Variants in VPS13D observed in about 807,000 individuals in gnomAD.
VPS13D encodes the protein vacuolar protein sorting 13 homolog D.
Under a neutral mutation model 461.9 loss-of-function variants are expected in VPS13D, and 187 were observed. The observed-to-expected ratio is 0.40, with a 90% CI of 0.36 to 0.46. The LOEUF (loss-of-function observed/expected upper bound fraction) is 0.46. Among genes scored for constraint, VPS13D ranks in the 20% least tolerant of loss-of-function variants. VPS13D has a pLI of 0.60. For synonymous variants in VPS13D, 1,951 were observed against 1,986.3 expected (o/e 0.98, Z 0.47); for missense variants, 4,711 against 5,364.9 (o/e 0.88, Z 3.81).
Position 12,301,361 on chromosome 1 carries a change from G to T in VPS13D, c.6216+1977G>T, listed in dbSNP as rs762737400. ...TGTATGTCTGACAGACTAGCTATAA[G>T]CTTGGGGTTCCCACAATGCCTCCTG... On this transcript the variant is annotated intron_variant, in intron 25 of 69. Coordinates refer to ENST00000620676, the MANE Select transcript of VPS13D (RefSeq NM_015378.4). 4.5e-4 allele frequency among the ~76,000 whole-genome samples: 69 copies of T among 152,330 alleles called. 1 individual carries two copies. The highest frequency in any genetic ancestry group is 8.3e-4 in the South Asian group (4 of 4,832).
At position 12,323,746 on chromosome 1, in the gene VPS13D, G is replaced by T. The variant is rs1266061015; in HGVS notation, c.7956G>T (p.Met2652Ile). ...LARLQELGFS[M>I]DDCRKALLAC... ...GGCTGCAGGAGCTGGGATTCAGCAT[G>T]GATGATTGTCGCAAAGCTCTTTTGG... The change falls in exon 35 of 70, where the codon ATG becomes ATT. Residue 2652 changes from methionine (M) to isoleucine (I), a missense_variant. Transcript: ENST00000620676. The T allele has an allele frequency of 2.5e-6, 4 of 1,613,950 alleles. No homozygotes were observed. The East Asian group carries it at 6.7e-5, about 27-fold the overall frequency.
rs1267012436 is a variant in VPS13D, at chr1:12,244,366, A to G, written c.296A>G (p.Asp99Gly). 3 of 1,614,176 alleles carry G rather than the reference A, an allele frequency of 1.9e-6. No individual in the cohort carries two copies. Among genetic ancestry groups the G allele is most frequent in the Non-Finnish European group, 2.5e-6 (3 of 1,180,038 alleles). Residue 99 changes from aspartate to glycine, a missense_variant, in exon 4 of 70, where the codon GAT becomes GGT. Transcript: ENST00000620676. ...CCAGAGAAAATACAGGATTTCAATG[A>G]TGAAAAGGAGAAGCTGTTGGAAAGG... The part of the protein sequence containing the change: ...GAPEKIQDFN[D>G]EKEKLLERER...
At chr1:12,470,713 C>T (rs974372520) in intron 67 of VPS13D, among the ~76,000 whole-genome samples, 2 of 152,156 alleles carry the variant, frequency 1.3e-5, no homozygotes, top group African/African-American at 2.4e-5. Context: ...GCCACTCTTA[C>T]GTGTTCATTA....
chr1:12,361,548 A>G (rs1198779920), intron 50 of VPS13D, among the ~76,000 whole-genome samples: 11 of 150,466 alleles, frequency 7.3e-5, no homozygotes, highest in African/African-American at 2.7e-4. Flanking sequence ...GGCGCCCGCC[A>G]CTACGCCCGG....
At chr1:12,242,435 C>T (rs1489339387) in intron 2 of VPS13D, 78 bp from the exon 3 acceptor site, 5 of 1,328,478 alleles carry the variant, frequency 3.8e-6, no homozygotes, top group Non-Finnish European at 5.4e-6. Flanking sequence ...TTCCCTTTAA[C>T]CTTCAATGCT....
intron 65 of VPS13D, among the ~76,000 whole-genome samples, chr1:12,452,340 C>A (rs1645273389): frequency 6.6e-6 from 1 of 152,232 alleles, no homozygotes. Context: ...GCCAGTCACT[C>A]CCTACATGAT....
intron 67 of VPS13D, among the ~76,000 whole-genome samples, chr1:12,494,922 C>T (rs148114534): frequency 9.9e-4 from 151 of 152,270 alleles, no homozygotes; most frequent in African/African-American, 3.2e-3. Flanking sequence ...GCCCTTATAC[C>T]GTCTGCCAGC....
intron 26 of VPS13D, among the ~76,000 whole-genome samples, chr1:12,306,393 C>T (rs937441800): frequency 1.3e-5 from 2 of 152,174 alleles, no homozygotes; most frequent in African/African-American, 4.8e-5. Flanking sequence ...TGTCTGCATG[C>T]ACATCTAGAA....
In VPS13D at chr1:12,304,667, C is replaced by T. The variant is rs780865591; in HGVS notation, c.6378C>T (p.Thr2126=). The part of the protein sequence containing the change: ...GSLKSEFVPS[T]STKQQGPQPT... ...TGAAGAGTGAGTTTGTGCCCAGTAC[C>T]TCCACCAAGCAGCAAGGGCCGCAAC... Residue 2126 remains threonine (T), a synonymous_variant, in exon 26 of 70, where the codon ACC becomes ACT. Coordinates refer to ENST00000620676, the MANE Select transcript of VPS13D (RefSeq NM_015378.4). 1 of 1,614,000 alleles carries T rather than the reference C, an allele frequency of 6.2e-7. No individual in the cohort carries two copies. The highest frequency in any genetic ancestry group is 1.1e-5 in the South Asian group (1 of 91,068).
chr1:12,270,272 C>T (rs1395308361), intron 16 of VPS13D, among the ~76,000 whole-genome samples: 1 of 151,856 alleles, frequency 6.6e-6, no homozygotes, highest in East Asian at 1.9e-4. Context: ...GCCTAGCCAA[C>T]ATGGTGAAAC....
intron 44 of VPS13D, among the ~76,000 whole-genome samples, chr1:12,347,202 G>A (rs1424011189): frequency 2.6e-5 from 4 of 151,242 alleles, no homozygotes; most frequent in Admixed American, 6.6e-5. Context: ...ACGGAGTCTC[G>A]CTCTGTTGCC....
intron 61 of VPS13D, 82 bp from the exon 62 acceptor site, chr1:12,401,526 A>C: frequency 4.4e-6 from 4 of 915,116 alleles, no homozygotes; most frequent in Non-Finnish European, 6.8e-6. Flanking sequence ...AAAGCATACC[A>C]TGTCATTGAG....
chr1:12,409,093 G>T (rs1272409389), intron 63 of VPS13D, among the ~76,000 whole-genome samples: 1 of 151,912 alleles, frequency 6.6e-6, no homozygotes, highest in Non-Finnish European at 1.5e-5. Context: ...GCGTGTGTGT[G>T]TGTGTGTTTG....
chr1:12,433,038 C>T (rs1032391171), intron 65 of VPS13D, among the ~76,000 whole-genome samples: 1 of 152,158 alleles, frequency 6.6e-6, no homozygotes, highest in Non-Finnish European at 1.5e-5. Context: ...CTCCTGGTAA[C>T]TTAGAATGGA....
At chr1:12,508,826 T>TG (rs1646147827) in intron 69 of VPS13D, 67 bp from the exon 70 acceptor site, 2 of 1,570,398 alleles carry the variant, frequency 1.3e-6, no homozygotes, top group Non-Finnish European at 1.7e-6. Context: ...AGCCGCCACC[T>TG]GGGTGGATCT....
chr1:12,494,676 G>A (rs192530418), intron 67 of VPS13D, among the ~76,000 whole-genome samples: 5 of 152,302 alleles, frequency 3.3e-5, no homozygotes, highest in Admixed American at 3.3e-4. Context: ...CCTGCTTCAT[G>A]TAAGGGAAAG....
Position 12,373,807 on chromosome 1 carries a change from G to A in VPS13D, c.10866G>A (p.Glu3622=). 1.2e-6 allele frequency: 2 copies of A among 1,605,778 alleles called. No individual in the cohort carries two copies. The highest frequency in any genetic ancestry group is 1.7e-6 in the Non-Finnish European group (2 of 1,176,064). Residue 3622 remains glutamate, a synonymous_variant, in exon 55 of 70, where the codon GAG becomes GAA. Coordinates refer to ENST00000620676, the MANE Select transcript of VPS13D (RefSeq NM_015378.4). The part of the protein sequence containing the change: ...VASNKAITCA[E]LVLDVSPKTQ... ...CCAACAAGGCCATTACCTGTGCGGA[G>A]CTCGTTTTGGATGTCTCACCCAAGA...
rs932491221 is a variant in VPS13D, at chr1:12,267,707, A to G, written c.1726-138A>G. The G allele has an allele frequency of 7.8e-6, 6 of 764,380 alleles. No individual in the cohort carries two copies. In the African/African-American group the frequency reaches 8.9e-5, roughly 11 times the overall value. The allele number at this position is 764,380 out of a possible 1,614,324, so 47.3% of individuals were successfully genotyped here. A position where few individuals can be genotyped will look rare whatever the true frequency, so the allele number is the denominator to read the frequency against. The stretch of plus-strand genomic sequence containing the variant: ...GGGCAGAAAACGAAACAATTCTGCA[A>G]GTAGTCAATCTGAGGTAAAGTGAGT... On this transcript the variant is annotated intron_variant, in intron 14 of 69. Transcript: ENST00000620676.
At chr1:12,263,259 A>G (rs561111869) in intron 13 of VPS13D, among the ~76,000 whole-genome samples, 1 of 152,334 alleles carries the variant, frequency 6.6e-6, no homozygotes, top group South Asian at 2.1e-4. Context: ...GCACAGAAGC[A>G]TGAAAAACAT....
Sources: gnomAD v4.1 joint callset for allele counts (sites outside exome capture counted in the v4.1 genomes callset) on GRCh38, gnomAD v4.1.1 for gene constraint, MANE v1.5 for transcripts, NCBI Gene and HGNC (gene_info 2026-07-23, HGNC 2026-07-21) for gene names.